The following LRRK2 variants were observed in gnomAD, a reference collection of about 807,000 sequenced individuals.
The protein encoded by LRRK2 is leucine-rich repeat serine/threonine-protein kinase 2.
LRRK2 carries 203 observed loss-of-function variants against 302.6 expected under a neutral mutation model. That is an observed-to-expected ratio of 0.67 (90% CI 0.60 to 0.75). LRRK2 has a LOEUF of 0.75. LRRK2 is among the 30% of genes least tolerant of loss of function. LRRK2 has a pLI of 0.00. For synonymous variants in LRRK2, 1,066 were observed against 1,031.9 expected (o/e 1.03, Z -0.63); for missense variants, 2,830 against 2,951.0 (o/e 0.96, Z 0.95).
chr12:40,347,185 A>G (rs1037363367), intron 42 of LRRK2, among the ~76,000 whole-genome samples: 6 of 152,210 alleles, frequency 3.9e-5, no homozygotes, highest in Admixed American at 1.3e-4. Flanking sequence ...TTGCTGTTAG[A>G]ACTCCACATT....
rs1196762640 is a variant in LRRK2 at position 40,363,676 on chromosome 12, A to C, written c.7181+122A>C. On this transcript the variant is annotated intron_variant, in intron 48 of 50. Coordinates refer to ENST00000298910, the MANE Select transcript of LRRK2 (RefSeq NM_198578.4). Reference sequence around the variant, plus strand: ...AGAGAATTTTTTTAAAATGCAGAAAAAAATTTGTAATGCTTCTCAGCACCA... The same window carrying C: ...AGAGAATTTTTTTAAAATGCAGAAACAAATTTGTAATGCTTCTCAGCACCA... 4 of 1,070,770 alleles carry C rather than the reference A, an allele frequency of 3.7e-6. No individual in the cohort carries two copies. The African/African-American group carries it at 6.4e-5, about 17-fold the overall frequency. The allele number at this position is 1,070,770 out of a possible 1,614,324, so 66.3% of individuals were successfully genotyped here. A position where few individuals can be genotyped will look rare whatever the true frequency, so the allele number is the denominator to read the frequency against.
chr12:40,308,497 G>A lies in LRRK2; in HGVS notation c.3990G>A (p.Val1330=), dbSNP rs748148241. ...RFLQQRLKKA[V]PYNRMKLMIV... is the part of the protein sequence containing the mutation. ...TTCAACAGCGATTAAAAAAGGCTGT[G>A]CCTTATAACCGAATGAAACTTATGA... Residue 1330 remains valine (V), a synonymous_variant, in exon 29 of 51, where the codon GTG becomes GTA. Transcript: ENST00000298910. 20 of 1,613,690 alleles carry A rather than the reference G, an allele frequency of 1.2e-5. No homozygotes were observed. The highest frequency in any genetic ancestry group is 1.7e-5 in the Non-Finnish European group (20 of 1,179,926).
At chr12:40,284,237 G>C (rs1943824788) in intron 19 of LRRK2, 104 bp downstream of exon 19, 11 of 1,003,390 alleles carry the variant, frequency 1.1e-5, no homozygotes, top group Non-Finnish European at 1.6e-5. Flanking sequence ...GGGACCTTAA[G>C]CCAAAGATAT....
chr12:40,254,079 A>G (rs532948242), intron 11 of LRRK2, among the ~76,000 whole-genome samples: 1 of 152,250 alleles, frequency 6.6e-6, no homozygotes, highest in East Asian at 1.9e-4. Context: ...AGGCTGCTCA[A>G]ATTTCTTCCC....
intron 14 of LRRK2, among the ~76,000 whole-genome samples, chr12:40,270,820 T>C (rs868388868): frequency 6.6e-6 from 1 of 152,266 alleles, no homozygotes; most frequent in Middle Eastern, 3.4e-3. Context: ...ATATACATGG[T>C]AAAGATATTA....
intron 7 of LRRK2, among the ~76,000 whole-genome samples, chr12:40,247,155 A>G (rs1241550750): frequency 6.6e-6 from 1 of 152,048 alleles, no homozygotes. Flanking sequence ...AGCAACTTGT[A>G]TTTTCACTTC....
intron 18 of LRRK2, among the ~76,000 whole-genome samples, chr12:40,281,713 C>G (rs959291451): frequency 6.6e-6 from 1 of 152,186 alleles, no homozygotes. Context: ...TTCACTTTCT[C>G]ATATATGTCT....
intron 24 of LRRK2, among the ~76,000 whole-genome samples, chr12:40,298,778 A>AATATATATATATATATATATATATAT (rs113272586): frequency 1.5e-3 from 92 of 60,400 alleles, no homozygotes; most frequent in East Asian, 3.2e-3. Context: ...GTCTCAAAGA[A>AATATATATATATATATATATATATAT]ATATATATAT....
At chr12:40,250,032 T>A in intron 8 of LRRK2, 87 bp downstream of exon 8, 3 of 1,522,126 alleles carry the variant, frequency 2.0e-6, no homozygotes, top group Non-Finnish European at 2.7e-6. Flanking sequence ...TATGTACAGA[T>A]GGAAGCATTC....
At chr12:40,252,241 A>T (rs1942305546) in intron 10 of LRRK2, among the ~76,000 whole-genome samples, 3 of 152,208 alleles carry the variant, frequency 2.0e-5, no homozygotes, top group Non-Finnish European at 4.4e-5. Context: ...TTTGGAAACA[A>T]ATAGTAGTAT....
At chr12:40,247,903 G>A (rs1942081765) in intron 7 of LRRK2, among the ~76,000 whole-genome samples, 1 of 151,466 alleles carries the variant, frequency 6.6e-6, no homozygotes, top group Admixed American at 6.6e-5. Context: ...AGGTCCTGTG[G>A]TTCATCAATC....
At chr12:40,227,501 C>T (rs1465501996) in intron 2 of LRRK2, among the ~76,000 whole-genome samples, 1 of 152,198 alleles carries the variant, frequency 6.6e-6, no homozygotes, top group Non-Finnish European at 1.5e-5. Flanking sequence ...ATTCTACTCT[C>T]TTCCTCCATG....
intron 41 of LRRK2, among the ~76,000 whole-genome samples, chr12:40,344,167 T>A (rs926087706): frequency 2.0e-5 from 3 of 152,094 alleles, no homozygotes; most frequent in Non-Finnish European, 4.4e-5. Context: ...AAAACTATTG[T>A]AAAAGGATGT....
In LRRK2 at chr12:40,320,003, G is replaced by A. The variant is rs768218660; in HGVS notation, c.4843G>A (p.Val1615Met). The A allele has an allele frequency of 5.0e-6, 8 of 1,609,580 alleles. No homozygotes were observed. The East Asian group carries it at 1.6e-4, about 31-fold the overall frequency. ...KIMAQILTVK[V>M]EGCPKHPKGI... ...AATCTTTCAGATTTTGACAGTGAAA[G>A]TGGAAGGTTGTCCAAAACACCCTAA... The change falls in exon 34 of 51, where the codon GTG (valine) becomes ATG (methionine). Residue 1615 changes from valine (V) to methionine (M), a missense_variant. Physicochemically the swap from Val to Met is conservative, Grantham distance 21. Around this residue, in one of 3 missense-constraint regions of LRRK2, gnomAD observed 2,121 missense variants for 2,148.0 expected, o/e 0.99. Transcript: ENST00000298910.
chr12:40,270,599 G>C (rs1943190903), intron 14 of LRRK2, among the ~76,000 whole-genome samples: 1 of 151,914 alleles, frequency 6.6e-6, no homozygotes, highest in African/African-American at 2.4e-5. Context: ...GAATGTTTTA[G>C]TGGAGAAGTC....
At chr12:40,348,899 C>T (rs61915610) in intron 43 of LRRK2, among the ~76,000 whole-genome samples, 39,415 of 151,788 alleles carry the variant, frequency 0.26, 5,908 homozygotes, top group Middle Eastern at 0.4. Context: ...GTAGGGTGCC[C>T]GTTAATGAAT....
At chr12:40,346,187 CT>C (rs10715758) in intron 41 of LRRK2, among the ~76,000 whole-genome samples, 116,049 of 150,874 alleles carry the variant, frequency 0.77, 45,350 homozygotes, top group Non-Finnish European at 0.85. Context: ...AGAGAGAAGG[CT>C]TTTTTTTTTG....
chr12:40,367,978 C>T lies in LRRK2; in HGVS notation c.*213C>T, dbSNP rs2137061616. ...CTATTTAAAACACAATGTTATATTT[C>T]TTATAAATACCAGTTACTTTCGTTC... is the stretch of plus-strand genomic sequence containing the variant. On this transcript the variant is annotated 3_prime_UTR_variant, in exon 51 of 51. Coordinates refer to ENST00000298910, the MANE Select transcript of LRRK2 (RefSeq NM_198578.4). 1 of 310,162 alleles carries T rather than the reference C, an allele frequency of 3.2e-6. No homozygotes were observed. The highest frequency in any genetic ancestry group is 5.8e-5 in the East Asian group (1 of 17,270). The allele number at this position is 310,162 out of a possible 1,614,324, so 19.2% of individuals were successfully genotyped here.
At chr12:40,256,994 C>T (rs1261942325) in intron 11 of LRRK2, among the ~76,000 whole-genome samples, 1 of 152,064 alleles carries the variant, frequency 6.6e-6, no homozygotes, top group African/African-American at 2.4e-5. Context: ...TACATTAAAA[C>T]CATCTACTCT....
Sources: gnomAD v4.1 joint callset for allele counts (sites outside exome capture counted in the v4.1 genomes callset) on GRCh38, gnomAD v4.1.1 for gene constraint, gnomAD v4.1.1 regional missense constraint, MANE v1.5 for transcripts, NCBI Gene and HGNC (gene_info 2026-07-23, HGNC 2026-07-21) for gene names.